Variants in GPR157 observed in about 807,000 individuals in gnomAD.
GPR157 encodes G protein-coupled receptor 157.
GPR157 carries 16 observed loss-of-function variants against 23.5 expected under a neutral mutation model. That is an observed-to-expected ratio of 0.68 (90% CI 0.46 to 1.04). The LOEUF is 1.04. Among genes scored for constraint, GPR157 ranks in the 50% least tolerant of loss-of-function variants. The probability of loss-of-function intolerance (pLI) is 0.00; values close to 1 mark genes in which losing one functional copy is unlikely to be tolerated. For synonymous variants in GPR157, 200 were observed against 221.5 expected, an observed-to-expected ratio of 0.90 and a Z score of 0.86; for missense variants, 440 against 460.7, an observed-to-expected ratio of 0.96 and a Z score of 0.41.
chr1:9,117,485 C>G (rs956192489), intron 1 of GPR157, among the ~76,000 whole-genome samples: 5 of 152,194 alleles, frequency 3.3e-5, no homozygotes, highest in Admixed American at 3.3e-4. Context: ...TGTAGCTGGG[C>G]ACGGTGGCTC....
rs1331599908 is a variant in GPR157, at chr1:9,128,636, G to A, written c.383+9C>T. 2.5e-6 allele frequency: 4 copies of A among 1,611,896 alleles called. No homozygotes were observed. The highest frequency in any genetic ancestry group is 2.2e-5 in the East Asian group (1 of 44,856). ...GGGCTCCTGGAAAAGCAGCGCCACC[G>A]CCACCCACCTGACGACATGGAAGGC... On this transcript the variant is annotated intron_variant, in intron 1 of 3. Coordinates refer to ENST00000377411, the MANE Select transcript of GPR157 (RefSeq NM_024980.5). The surrounding 1 kb of genome is among the most constrained non-coding windows in gnomAD (Gnocchi z 6.3).
chr1:9,120,517 G>A lies in GPR157; in HGVS notation c.383+8128C>T, dbSNP rs1351583776. Among the ~76,000 whole-genome samples the A allele has an allele frequency of 6.6e-6, 1 of 152,216 alleles. No homozygotes were observed. Among genetic ancestry groups the A allele is most frequent in the Non-Finnish European group, 1.5e-5 (1 of 68,036 alleles). ...CTGTAGGGAGTGAGGCCTGGTGAGA[G>A]GCTGCCTGGAGGTTTCTTCCCTGGG... On this transcript the variant is annotated intron_variant, in intron 1 of 3. Transcript: ENST00000377411. The surrounding 1 kb of genome is among the most constrained non-coding windows in gnomAD (Gnocchi z 4.1).
intron 2 of GPR157, among the ~76,000 whole-genome samples, chr1:9,110,754 A>G (rs1309298440): frequency 6.6e-6 from 1 of 152,140 alleles, no homozygotes; most frequent in Admixed American, 6.6e-5. Context: ...TCATTTCTGA[A>G]TTCTGGAAAC....
rs1157725623 is a variant in GPR157, at chr1:9,105,229, A to T, written c.792+257T>A. 6.6e-6 allele frequency among the ~76,000 whole-genome samples: 1 copy of T among 151,814 alleles called. No individual in the cohort carries two copies. The highest frequency in any genetic ancestry group is 1.5e-5 in the Non-Finnish European group (1 of 67,932). On this transcript the variant is annotated intron_variant, in intron 3 of 3. Transcript: ENST00000377411. The surrounding 1 kb of genome is among the most constrained non-coding windows in gnomAD (Gnocchi z 4.8). ...TCTTCTTGGCTGGGAAGGACCCAAGATCAGTCAACTCTCCTAGGGCTACTC... is the reference window on the plus strand; with the variant it reads ...TCTTCTTGGCTGGGAAGGACCCAAGTTCAGTCAACTCTCCTAGGGCTACTC...
At chr1:9,107,317 A>G (rs980878486) in intron 2 of GPR157, among the ~76,000 whole-genome samples, 2 of 152,234 alleles carry the variant, frequency 1.3e-5, no homozygotes, top group African/African-American at 4.8e-5. Flanking sequence ...AATTTGTAAA[A>G]ATAGATGAAA....
Position 9,103,365 on chromosome 1 carries a change from T to C in GPR157, c.*1054A>G, listed in dbSNP as rs1974063. On this transcript the variant is annotated 3_prime_UTR_variant, in exon 4 of 4. Coordinates refer to ENST00000377411, the MANE Select transcript of GPR157 (RefSeq NM_024980.5). ...TTTTAGTAGAGACAGGGTTTCACCA[T>C]GTTGGCCAGGCTGGTCTTGAACTCC... The C allele has an allele frequency of 0.51, 78,129 of 151,982 alleles. 20,434 individuals are homozygous for C. Among genetic ancestry groups the C allele is most frequent in the Admixed American group, 0.56 (8,542 of 15,252 alleles). The allele number at this position is 151,982 out of a possible 1,614,324, so 9.4% of individuals were successfully genotyped here.
At position 9,123,163 on chromosome 1, in the gene GPR157, G is replaced by GGAAAA. The variant is rs374439585; in HGVS notation, c.383+5481_383+5482insTTTTC. 9.1e-5 allele frequency among the ~76,000 whole-genome samples: 8 copies of GGAAAA among 87,564 alleles called. 1 individual carries two copies. Among genetic ancestry groups the GGAAAA allele is most frequent in the East Asian group, 7.0e-4 (2 of 2,850 alleles). The allele number at this position is 87,564 out of a possible 152,430, so 57.4% of individuals were successfully genotyped here. A position where few individuals can be genotyped will look rare whatever the true frequency, so the allele number is the denominator to read the frequency against. On this transcript the variant is annotated intron_variant, in intron 1 of 3. Coordinates refer to ENST00000377411, the MANE Select transcript of GPR157 (RefSeq NM_024980.5). ...ACAAGAGTGAAACTGTCTTGGGTGG[G>GGAAAA]AAAAAAAAAAAATATATATATATAT...
chr1:9,105,067 A>ACG lies in GPR157; in HGVS notation c.792+418_792+419insCG, dbSNP rs1557693342. ...CACACACACACACACACACACACAC[A>ACG]CATGCATACACACATGCATACATGC... On this transcript the variant is annotated intron_variant, in intron 3 of 3. Transcript: ENST00000377411. This position sits in a 1 kb window ranked among gnomAD's most constrained non-coding sequence, Gnocchi z 4.8. Among the ~76,000 whole-genome samples, 1 of 142,472 alleles carries ACG rather than the reference A, an allele frequency of 7.0e-6. No individual in the cohort carries two copies. The highest frequency in any genetic ancestry group is 2.6e-5 in the African/African-American group (1 of 38,086). The allele number at this position is 142,472 out of a possible 152,430, so 93.5% of individuals were successfully genotyped here. A position where few individuals can be genotyped will look rare whatever the true frequency, so the allele number is the denominator to read the frequency against.
Position 9,105,609 on chromosome 1 carries a change from C to T in GPR157, c.669G>A (p.Ala223=), listed in dbSNP as rs144557302. The change falls in exon 3 of 4, where the codon GCG becomes GCA. Residue 223 remains alanine (A), a synonymous_variant. Transcript: ENST00000377411. This position sits in a 1 kb window ranked among gnomAD's most constrained non-coding sequence, Gnocchi z 4.8. ...EHRLLRHSSM[A]DKKLVLIPLI... is the part of the protein sequence containing the mutation. ...GCGGGATGAGCACCAGCTTCTTGTCCGCCATGGAGGAGTGGCGCAGCAGGC... is the reference window on the plus strand; with the variant it reads ...GCGGGATGAGCACCAGCTTCTTGTCTGCCATGGAGGAGTGGCGCAGCAGGC... The T allele has an allele frequency of 1.8e-3, 2,830 of 1,612,460 alleles. 12 individuals carry two copies. Among genetic ancestry groups the T allele is most frequent in the African/African-American group, 0.013 (996 of 75,006 alleles).
Position 9,104,199 on chromosome 1 carries a change from C to G in GPR157, c.*220G>C. On this transcript the variant is annotated 3_prime_UTR_variant, in exon 4 of 4. Transcript: ENST00000377411. The stretch of plus-strand genomic sequence containing the variant: ...TACCCTTATGCAGATGAACGCCCAC[C>G]CGTGGGCCAGGACGCTGGTACCGGT... 1.8e-6 allele frequency: 1 copy of G among 563,804 alleles called. No individual in the cohort carries two copies. Among genetic ancestry groups the G allele is most frequent in the Non-Finnish European group, 3.2e-6 (1 of 314,106 alleles). The allele number at this position is 563,804 out of a possible 1,614,324, so 34.9% of individuals were successfully genotyped here.
chr1:9,122,087 A>G (rs1638810275), intron 1 of GPR157, among the ~76,000 whole-genome samples: 2 of 152,026 alleles, frequency 1.3e-5, no homozygotes, highest in South Asian at 4.2e-4. Flanking sequence ...GCTGGCGCCC[A>G]CCACCGTGAG....
Position 9,113,353 on chromosome 1 carries a change from G to T in GPR157, c.384-1864C>A, listed in dbSNP as rs189318526. The stretch of plus-strand genomic sequence containing the variant: ...AACATGAATCTGAGGCCAGAATGAG[G>T]CCAGGAGAACTGTGCTTCAAGGGTT... On this transcript the variant is annotated intron_variant, in intron 1 of 3. Coordinates refer to ENST00000377411, the MANE Select transcript of GPR157 (RefSeq NM_024980.5). 4.2e-4 allele frequency among the ~76,000 whole-genome samples: 64 copies of T among 152,318 alleles called. 1 individual carries two copies. In the East Asian group the frequency reaches 0.012, roughly 29 times the overall value.
chr1:9,104,516 G>A lies in GPR157; in HGVS notation c.911C>T (p.Thr304Ile), dbSNP rs771284868. ...CCCCCSSQPPTKSPAGTPKAP... is the reference protein window; with the variant it reads ...CCCCCSSQPPIKSPAGTPKAP... ...CTTGGGAGTGCCAGCCGGGCTCTTG[G>A]TGGGAGGCTGAGAAGAGCAGCAGCA... The change falls in exon 4 of 4, where the codon ACC becomes ATC. Residue 304 changes from threonine to isoleucine, a missense_variant. By Grantham distance (89) the Thr-to-Ile change is moderately conservative. Transcript: ENST00000377411. The A allele has an allele frequency of 6.2e-7, 1 of 1,613,894 alleles. No individual in the cohort carries two copies. Among genetic ancestry groups the A allele is most frequent in the African/African-American group, 1.3e-5 (1 of 75,000 alleles).
chr1:9,123,779 A>T (rs1486274693), intron 1 of GPR157, among the ~76,000 whole-genome samples: 12 of 124,696 alleles, frequency 9.6e-5, no homozygotes, highest in Non-Finnish European at 1.3e-4. Context: ...TTTAATATTA[A>T]ATATATATTT....
rs2124522371 is a variant in GPR157 at position 9,118,598 on chromosome 1, T to G, written c.384-7109A>C. Among the ~76,000 whole-genome samples, 1 of 152,290 alleles carries G rather than the reference T, an allele frequency of 6.6e-6. No homozygotes were observed. Among genetic ancestry groups the G allele is most frequent in the South Asian group, 2.1e-4 (1 of 4,828 alleles). On this transcript the variant is annotated intron_variant, in intron 1 of 3. Coordinates refer to ENST00000377411, the MANE Select transcript of GPR157 (RefSeq NM_024980.5). The surrounding 1 kb of genome is among the most constrained non-coding windows in gnomAD (Gnocchi z 4.6). ...AGAGGCCGTTAAGGGTTCAATTGTG[T>G]CCCCTACAAATTTCATCTGTTGAAG...
At chr1:9,106,320 C>A (rs1638326190) in intron 2 of GPR157, among the ~76,000 whole-genome samples, 1 of 152,080 alleles carries the variant, frequency 6.6e-6, no homozygotes, top group Admixed American at 6.5e-5. Flanking sequence ...TCTGCCACCC[C>A]CTCCTGCTCC....
At chr1:9,122,733 AT>A (rs542644041) in intron 1 of GPR157, among the ~76,000 whole-genome samples, 1 of 152,228 alleles carries the variant, frequency 6.6e-6, no homozygotes, top group Non-Finnish European at 1.5e-5. Flanking sequence ...AAATGTCAGT[AT>A]CATAAAACAC....
chr1:9,125,483 G>C (rs1173681092), intron 1 of GPR157, among the ~76,000 whole-genome samples: 2 of 152,134 alleles, frequency 1.3e-5, no homozygotes, highest in Non-Finnish European at 2.9e-5. Context: ...TGAGGATGAG[G>C]TCTAAACTGC....
At chr1:9,114,936 A>T (rs1479846518) in intron 1 of GPR157, among the ~76,000 whole-genome samples, 1 of 151,864 alleles carries the variant, frequency 6.6e-6, no homozygotes, top group Non-Finnish European at 1.5e-5. Context: ...AAAAAAAAAA[A>T]AAAAAAGAAT....
Sources: gnomAD v4.1 joint callset for allele counts (sites outside exome capture counted in the v4.1 genomes callset) on GRCh38, gnomAD v4.1.1 for gene constraint, Gnocchi (gnomAD v3.1) non-coding constraint, MANE v1.5 for transcripts, NCBI Gene and HGNC (gene_info 2026-07-23, HGNC 2026-07-21) for gene names.